Variants in SLC35F1 observed in about 807,000 individuals in gnomAD.
SLC35F1 encodes chromosome 6 open reading frame 169.
A neutral mutation model predicts 48.7 loss-of-function variants in SLC35F1; 14 were observed. The observed-to-expected ratio is 0.29, with a 90% CI of 0.19 to 0.45. The LOEUF (loss-of-function observed/expected upper bound fraction) is 0.45. Among genes scored for constraint, SLC35F1 ranks in the 20% least tolerant of loss-of-function variants. The pLI, the probability that SLC35F1 is intolerant of heterozygous loss-of-function variation, is 1.00. For synonymous variants in SLC35F1, 190 were observed against 202.2 expected, an observed-to-expected ratio of 0.94 and a Z score of 0.51; for missense variants, 404 against 500.0, an observed-to-expected ratio of 0.81 and a Z score of 1.83.
rs745704672 is a variant in SLC35F1 at position 118,035,682 on chromosome 6, A to ATTTTTT, written c.174-118743_174-118738dup. ...AAACCCCCAACATTTGGCTTTGTTAATTTTTTTTTTTTTTTTTTTTTTTTT... is the reference window on the plus strand; with the variant it reads ...AAACCCCCAACATTTGGCTTTGTTAATTTTTTTTTTTTTTTTTTTTTTTTTTTTTTT... On this transcript the variant is annotated intron_variant, in intron 1 of 7. Coordinates refer to ENST00000360388, the MANE Select transcript of SLC35F1 (RefSeq NM_001029858.4). Among the ~76,000 whole-genome samples the ATTTTTT allele has an allele frequency of 6.1e-4, 53 of 87,326 alleles. 2 individuals carry two copies. The highest frequency in any genetic ancestry group is 5.5e-3 in the East Asian group (15 of 2,722). 57.3% of individuals were successfully genotyped at this position (87,326 alleles called of 152,430 possible).
chr6:118,105,941 T>G (rs1398776213), intron 1 of SLC35F1, among the ~76,000 whole-genome samples: 2 of 152,212 alleles, frequency 1.3e-5, no homozygotes, highest in Non-Finnish European at 2.9e-5. Flanking sequence ...GCAACTTTCC[T>G]GCTTTTTTCT....
chr6:118,060,000 GT>G (rs1387762778), intron 1 of SLC35F1, among the ~76,000 whole-genome samples: 2 of 152,180 alleles, frequency 1.3e-5, no homozygotes, highest in African/African-American at 4.8e-5. Context: ...GAGAAGTTAA[GT>G]ATATAATTGT....
chr6:117,911,464 C>G (rs1272324215), intron 1 of SLC35F1, among the ~76,000 whole-genome samples: 1 of 135,510 alleles, frequency 7.4e-6, no homozygotes, highest in Non-Finnish European at 1.6e-5. Flanking sequence ...CTGGCAGGAT[C>G]TTGGTCTGTT....
At chr6:117,931,983 G>C (rs1055181893) in intron 1 of SLC35F1, among the ~76,000 whole-genome samples, 1 of 152,194 alleles carries the variant, frequency 6.6e-6, no homozygotes, top group African/African-American at 2.4e-5. Flanking sequence ...TGATGATTAA[G>C]AGTGGGGTCT....
At chr6:118,277,438 G>C in intron 5 of SLC35F1, 56 bp from the exon 6 acceptor site, 1 of 1,449,618 alleles carries the variant, frequency 6.9e-7, no homozygotes, top group Non-Finnish European at 9.7e-7. Context: ...AAGAAAGAAA[G>C]AAAGTAGAGT....
intron 2 of SLC35F1, among the ~76,000 whole-genome samples, chr6:118,223,517 C>A (rs184361749): frequency 6.6e-6 from 1 of 152,258 alleles, no homozygotes; most frequent in Admixed American, 6.5e-5. Context: ...ATGCTCTTAA[C>A]CTTGAGTATA....
intron 1 of SLC35F1, among the ~76,000 whole-genome samples, chr6:118,034,567 A>G (rs566232359): frequency 6.6e-6 from 1 of 152,208 alleles, no homozygotes; most frequent in African/African-American, 2.4e-5. Flanking sequence ...CAAAATAAAT[A>G]AATAAATAAA....
intron 1 of SLC35F1, among the ~76,000 whole-genome samples, chr6:118,022,616 A>G (rs1777409379): frequency 6.6e-6 from 1 of 152,154 alleles, no homozygotes; most frequent in African/African-American, 2.4e-5. Flanking sequence ...GTTTAAGGAA[A>G]CTGCTGAAAT....
chr6:118,058,880 T>C (rs1354560042), intron 1 of SLC35F1, among the ~76,000 whole-genome samples: 1 of 152,202 alleles, frequency 6.6e-6, no homozygotes, highest in Non-Finnish European at 1.5e-5. Flanking sequence ...ATGCAATTCA[T>C]AACCTTTTCA....
intron 2 of SLC35F1, among the ~76,000 whole-genome samples, chr6:118,200,452 C>A (rs995296129): frequency 5.9e-5 from 9 of 152,128 alleles, no homozygotes; most frequent in Non-Finnish European, 1.3e-4. Context: ...ATACCCTGTC[C>A]CCTGCCAGTG....
chr6:118,092,649 G>A (rs1426813000), intron 1 of SLC35F1, among the ~76,000 whole-genome samples: 1 of 152,174 alleles, frequency 6.6e-6, no homozygotes, highest in African/African-American at 2.4e-5. Context: ...ACCCTACAAA[G>A]CCACAGAGGT....
At chr6:118,001,528 A>G (rs978679773) in intron 1 of SLC35F1, among the ~76,000 whole-genome samples, 1 of 152,242 alleles carries the variant, frequency 6.6e-6, no homozygotes, top group African/African-American at 2.4e-5. Flanking sequence ...ACCATTCAGG[A>G]CATAGGCATG....
At chr6:118,119,638 G>A (rs11754233) in intron 1 of SLC35F1, among the ~76,000 whole-genome samples, 49,623 of 151,392 alleles carry the variant, frequency 0.33, 9,193 homozygotes, top group Non-Finnish European at 0.43. Context: ...TGAGTAGCTG[G>A]GATTACAGGG....
intron 2 of SLC35F1, among the ~76,000 whole-genome samples, chr6:118,188,026 T>C (rs1467162430): frequency 6.6e-6 from 1 of 152,234 alleles, no homozygotes; most frequent in Non-Finnish European, 1.5e-5. Flanking sequence ...TATGTGTAAC[T>C]ATCTTTAACT....
chr6:118,167,852 T>C (rs944546375), intron 2 of SLC35F1, among the ~76,000 whole-genome samples: 7 of 152,210 alleles, frequency 4.6e-5, no homozygotes, highest in African/African-American at 1.7e-4. Context: ...AGGACCACCA[T>C]TGTATACACA....
At chr6:118,196,194 G>A (rs1448078184) in intron 2 of SLC35F1, among the ~76,000 whole-genome samples, 1 of 152,238 alleles carries the variant, frequency 6.6e-6, no homozygotes, top group East Asian at 1.9e-4. Context: ...TCAGCAGTGA[G>A]TGAGTGGTTG....
chr6:117,925,951 T>C (rs1276895709), intron 1 of SLC35F1, among the ~76,000 whole-genome samples: 1 of 152,124 alleles, frequency 6.6e-6, no homozygotes, highest in Non-Finnish European at 1.5e-5. Flanking sequence ...TTGATAAACA[T>C]TTATTCTGAG....
intron 2 of SLC35F1, among the ~76,000 whole-genome samples, chr6:118,158,830 C>A (rs986995021): frequency 1.3e-5 from 2 of 152,144 alleles, no homozygotes; most frequent in African/African-American, 4.8e-5. Flanking sequence ...ATCTTCCTTA[C>A]AAAATATCAT....
chr6:118,118,046 A>G (rs777811158), intron 1 of SLC35F1, among the ~76,000 whole-genome samples: 1 of 152,188 alleles, frequency 6.6e-6, no homozygotes. Context: ...GAACATTAAC[A>G]TATACAATTT....
Sources: allele counts gnomAD v4.1 joint callset (sites outside exome capture counted in the v4.1 genomes callset), GRCh38; gene constraint gnomAD v4.1.1; transcripts MANE v1.5; gene names NCBI Gene and HGNC (gene_info 2026-07-23, HGNC 2026-07-21).